The following DLC1 variants were observed in gnomAD, a reference collection of about 807,000 sequenced individuals.
The protein encoded by DLC1 is DLC1 Rho GTPase activating protein, also known as rho GTPase-activating protein 7.
DLC1 carries 54 observed loss-of-function variants against 140.3 expected under a neutral mutation model. The observed-to-expected ratio is 0.38, with a 90% confidence interval of 0.31 to 0.48. The LOEUF is 0.48. Ranked by LOEUF, DLC1 falls within the 20% of genes least tolerant of loss-of-function variation. The probability of loss-of-function intolerance (pLI) is 0.96; values close to 1 mark genes in which losing one functional copy is unlikely to be tolerated. For synonymous variants in DLC1, 986 were observed against 728.1 expected (o/e 1.35, Z -5.70); for missense variants, 2,536 against 1,907.0 (o/e 1.33, Z -6.14).
intron 2 of DLC1, among the ~76,000 whole-genome samples, chr8:13,426,236 T>A (rs1838578073): frequency 6.6e-6 from 1 of 152,080 alleles, no homozygotes; most frequent in Non-Finnish European, 1.5e-5. Flanking sequence ...TATAGGGAAA[T>A]TATAGTCATT....
chr8:13,203,490 G>C (rs984261886), intron 5 of DLC1, among the ~76,000 whole-genome samples: 1 of 152,182 alleles, frequency 6.6e-6, no homozygotes, highest in Non-Finnish European at 1.5e-5. Flanking sequence ...ATGAAATGAA[G>C]ATTGAATTTC....
At chr8:13,282,855 C>T (rs560217868) in intron 5 of DLC1, among the ~76,000 whole-genome samples, 22 of 152,098 alleles carry the variant, frequency 1.4e-4, no homozygotes, top group African/African-American at 4.8e-4. Flanking sequence ...AAATACTAAC[C>T]CCTTGCTGTT....
intron 2 of DLC1, among the ~76,000 whole-genome samples, chr8:13,442,929 C>T (rs925419144): frequency 6.6e-6 from 1 of 152,028 alleles, no homozygotes; most frequent in Non-Finnish European, 1.5e-5. Context: ...GCAGTATTCA[C>T]AATAGCAAAG....
chr8:13,109,262 G>GA (rs915095148), intron 7 of DLC1, among the ~76,000 whole-genome samples: 1 of 151,850 alleles, frequency 6.6e-6, no homozygotes, highest in African/African-American at 2.4e-5. Context: ...TTTCCAAGTT[G>GA]AAAAAAATAC....
intron 4 of DLC1, among the ~76,000 whole-genome samples, chr8:13,367,749 G>A (rs1281552456): frequency 6.6e-6 from 1 of 152,084 alleles, no homozygotes; most frequent in Non-Finnish European, 1.5e-5. Context: ...TCTGAAATTG[G>A]TCAATTTCAG....
intron 5 of DLC1, among the ~76,000 whole-genome samples, chr8:13,204,078 C>T (rs1827536838): frequency 6.6e-6 from 1 of 152,022 alleles, no homozygotes; most frequent in African/African-American, 2.4e-5. Context: ...TGAAGAAAGT[C>T]TTGAAGTTTG....
At chr8:13,148,021 G>C (rs1478343448) in intron 5 of DLC1, among the ~76,000 whole-genome samples, 1 of 152,016 alleles carries the variant, frequency 6.6e-6, no homozygotes, top group Non-Finnish European at 1.5e-5. Flanking sequence ...ACTAACCTGA[G>C]ATTTGACAAC....
At chr8:13,432,965 T>C (rs74962295) in intron 2 of DLC1, among the ~76,000 whole-genome samples, 4 of 80,372 alleles carry the variant, frequency 5.0e-5, no homozygotes, top group South Asian at 3.8e-4. Flanking sequence ...TTTTTTTTTT[T>C]CCTTTTTCAA....
chr8:13,211,765 C>T (rs1352835356), intron 5 of DLC1, among the ~76,000 whole-genome samples: 2 of 152,032 alleles, frequency 1.3e-5, no homozygotes, highest in South Asian at 2.1e-4. Context: ...TGATTTGTTA[C>T]AGCATGATAA....
In DLC1 at chr8:13,084,004, A is replaced by G. The variant is rs141402543; in HGVS notation, c.*1807T>C. The G allele has an allele frequency of 1.3e-5, 2 of 152,566 alleles. No homozygotes were observed. Among genetic ancestry groups the G allele is most frequent in the East Asian group, 3.9e-4 (2 of 5,190 alleles). 9.5% of individuals were successfully genotyped at this position (152,566 alleles called of 1,614,324 possible). A position where few individuals can be genotyped will look rare whatever the true frequency, so the allele number is the denominator to read the frequency against. On this transcript the variant is annotated 3_prime_UTR_variant, in exon 18 of 18. Transcript: ENST00000276297. ...AGCAAGTTATAAACCTCTTCCTTTTATTTATTTTCTTCACTTAGACTGTAT... is the reference window on the plus strand; with the variant it reads ...AGCAAGTTATAAACCTCTTCCTTTTGTTTATTTTCTTCACTTAGACTGTAT...
intron 4 of DLC1, among the ~76,000 whole-genome samples, chr8:13,320,110 C>T (rs1833032989): frequency 6.6e-6 from 1 of 152,018 alleles, no homozygotes; most frequent in Non-Finnish European, 1.5e-5. Flanking sequence ...CATGCCTGGC[C>T]CATTATTTAA....
chr8:13,326,487 C>T (rs1277364937), intron 4 of DLC1, among the ~76,000 whole-genome samples: 1 of 152,148 alleles, frequency 6.6e-6, no homozygotes, highest in African/African-American at 2.4e-5. Context: ...ACTCATAACC[C>T]AAAAGCTGCC....
intron 5 of DLC1, among the ~76,000 whole-genome samples, chr8:13,273,606 C>T (rs11993810): frequency 7.9e-5 from 12 of 151,518 alleles, no homozygotes; most frequent in Admixed American, 1.3e-4. Flanking sequence ...CTCCCTGTTT[C>T]GTGTAGAAGG....
At chr8:13,415,459 G>A (rs1477212339) in intron 2 of DLC1, among the ~76,000 whole-genome samples, 1 of 150,016 alleles carries the variant, frequency 6.7e-6, no homozygotes, top group Non-Finnish European at 1.5e-5. Flanking sequence ...GAGTGTAGTA[G>A]CGCGACCATG....
chr8:13,116,527 T>G (rs1820571030), intron 5 of DLC1, among the ~76,000 whole-genome samples: 1 of 152,202 alleles, frequency 6.6e-6, no homozygotes, highest in Admixed American at 6.5e-5. Context: ...GTCTGTTCAC[T>G]CATTTATAAA....
chr8:13,425,017 A>G (rs760290438), intron 2 of DLC1, among the ~76,000 whole-genome samples: 18 of 151,974 alleles, frequency 1.2e-4, no homozygotes, highest in African/African-American at 3.4e-4. Flanking sequence ...TGAGAATTCT[A>G]TGACTTTTTT....
intron 5 of DLC1, among the ~76,000 whole-genome samples, chr8:13,217,221 GTGTTAT>G (rs1828246680): frequency 1.3e-5 from 2 of 152,264 alleles, no homozygotes; most frequent in South Asian, 4.1e-4. Flanking sequence ...GTCTATGCCA[GTGTTAT>G]CCAATAGAAA....
chr8:13,436,414 T>C (rs1445852499), intron 2 of DLC1, among the ~76,000 whole-genome samples: 1 of 152,220 alleles, frequency 6.6e-6, no homozygotes, highest in Non-Finnish European at 1.5e-5. Context: ...CAAGAGTTAA[T>C]CTCTGAAATG....
At chr8:13,086,578 G>A (rs1036449864) in intron 16 of DLC1, 115 bp from the exon 17 acceptor site, 16 of 1,204,076 alleles carry the variant, frequency 1.3e-5, no homozygotes, top group Non-Finnish European at 1.8e-5. Flanking sequence ...CAGTGGCCAT[G>A]CTGTGTGACC....
Sources: gnomAD v4.1 joint callset for allele counts (sites outside exome capture counted in the v4.1 genomes callset) on GRCh38, gnomAD v4.1.1 for gene constraint, MANE v1.5 for transcripts, NCBI Gene and HGNC (gene_info 2026-07-23, HGNC 2026-07-21) for gene names.